DPF1: variants seen among roughly 807,000 people sequenced by gnomAD.
The protein encoded by DPF1 is double PHD fingers 1.
Under a neutral mutation model 58.7 loss-of-function variants are expected in DPF1, and 14 were observed. That is an observed-to-expected ratio of 0.24 (90% CI 0.16 to 0.37). DPF1 has a LOEUF of 0.37. DPF1 is among the 10% of genes least tolerant of loss of function. The probability of loss-of-function intolerance (pLI) is 1.00; values close to 1 mark genes in which losing one functional copy is unlikely to be tolerated. For synonymous variants in DPF1, 216 were observed against 216.0 expected, an observed-to-expected ratio of 1.00 and a Z score of 0.00; for missense variants, 345 against 529.9, an observed-to-expected ratio of 0.65 and a Z score of 3.43.
Position 38,211,762 on chromosome 19 carries a change from G to A in DPF1, c.*301C>T. The A allele has an allele frequency of 4.4e-6, 2 of 456,346 alleles. No individual in the cohort carries two copies. The highest frequency in any genetic ancestry group is 7.4e-5 in the South Asian group (2 of 27,162). 28.3% of individuals were successfully genotyped at this position (456,346 alleles called of 1,614,324 possible). A position where few individuals can be genotyped will look rare whatever the true frequency, so the allele number is the denominator to read the frequency against. On this transcript the variant is annotated 3_prime_UTR_variant, in exon 12 of 12. Transcript: ENST00000355526. The surrounding 1 kb of genome is among the most constrained non-coding windows in gnomAD (Gnocchi z 4.0). Reference sequence around the variant, plus strand: ...AGAAAAAGGCTCTGTCCATGCCCCTGGCTGGCACCCACCACCCCCCATGCC... The same window carrying A: ...AGAAAAAGGCTCTGTCCATGCCCCTAGCTGGCACCCACCACCCCCCATGCC...
chr19:38,214,831 CTTTTTT>C (rs36047300), intron 9 of DPF1, among the ~76,000 whole-genome samples: 7 of 89,406 alleles, frequency 7.8e-5, no homozygotes, highest in African/African-American at 3.3e-4. Context: ...TATGCCCAGC[CTTTTTT>C]TTTTTTTTTT....
At chr19:38,220,608 T>C (rs1414498280) in intron 3 of DPF1, among the ~76,000 whole-genome samples, 1 of 132,328 alleles carries the variant, frequency 7.6e-6, no homozygotes, top group African/African-American at 2.8e-5. Context: ...AGAGCAAGAC[T>C]CCGTCTCAAA....
Position 38,216,411 on chromosome 19 carries a change from A to G in DPF1, c.728-8T>C. The G allele has an allele frequency of 6.3e-7, 1 of 1,577,560 alleles. No homozygotes were observed. Among genetic ancestry groups the G allele is most frequent in the Non-Finnish European group, 8.6e-7 (1 of 1,161,730 alleles). The stretch of plus-strand genomic sequence containing the variant: ...CCAATTCTTTGTAAAACTCTGGGGT[A>G]GGGGGGACAGAGAGAGGGACTCTCA... On this transcript the variant is annotated splice_polypyrimidine_tract_variant and splice_region_variant and intron_variant, in intron 7 of 11. Transcript: ENST00000355526.
At chr19:38,224,330 C>T (rs1250847689), upstream of DPF1, 3 of 1,239,396 alleles carry the variant, frequency 2.4e-6, no homozygotes. The surrounding 1 kb of genome is among the most constrained non-coding windows in gnomAD (Gnocchi z 4.5). Flanking sequence ...CAGGGGGCCC[C>T]CGGGACCCCG....
At chr19:38,226,190 C>T (rs771310197), upstream of DPF1, among the ~76,000 whole-genome samples, 3 of 151,618 alleles carry the variant, frequency 2.0e-5, no homozygotes, top group African/African-American at 4.9e-5. Flanking sequence ...AGTGAGCAGA[C>T]CCACTGAGTC....
At chr19:38,213,547 A>G in intron 10 of DPF1, 97 bp downstream of exon 10, 1 of 1,032,710 alleles carries the variant, frequency 9.7e-7, no homozygotes, top group Non-Finnish European at 1.5e-6. Flanking sequence ...GGTGTTCACC[A>G]GGGAAGGCTC....
At chr19:38,212,405 C>A in intron 10 of DPF1, 44 bp from the exon 11 acceptor site, 2 of 828,470 alleles carry the variant, frequency 2.4e-6, no homozygotes, top group Admixed American at 3.2e-5. Context: ...GGGGCACGGG[C>A]ACCAGAAACG....
At chr19:38,216,535 C>G (rs1173098237) in intron 7 of DPF1, 132 bp from the exon 8 acceptor site, 38 of 1,098,778 alleles carry the variant, frequency 3.5e-5, no homozygotes, top group Non-Finnish European at 4.6e-5. Context: ...CTACCCCAAG[C>G]TGTGGGGAGA....
In DPF1 at chr19:38,222,603, G is replaced by A; in HGVS notation, c.135C>T (p.Thr45=). The part of the protein sequence containing the change: ...SLRLPFLDSQ[T]GVAQNNCYIW... ...TGTAGCAGTTGTTCTGGGCCACGCC[G>A]GTCTGCGAGTCGAGGAAGGGCAGTC... The change falls in exon 2 of 12, where the codon ACC becomes ACT. Residue 45 remains threonine (T), a synonymous_variant. Coordinates refer to ENST00000355526, the MANE Select transcript of DPF1 (RefSeq NM_001135155.3). This position sits in a 1 kb window ranked among gnomAD's most constrained non-coding sequence, Gnocchi z 4.9. 1 of 1,611,968 alleles carries A rather than the reference G, an allele frequency of 6.2e-7. No homozygotes were observed. The highest frequency in any genetic ancestry group is 1.1e-5 in the South Asian group (1 of 90,916).
Position 38,216,346 on chromosome 19 carries a change from T to A in DPF1, c.778+7A>T. On this transcript the variant is annotated splice_region_variant and intron_variant, in intron 8 of 11. Transcript: ENST00000355526. ...CAGACTTTAGGAGCAGAAGGAGGCATCCGTACCTGTGTGTTTCCTTTGTGC... is the reference window on the plus strand; with the variant it reads ...CAGACTTTAGGAGCAGAAGGAGGCAACCGTACCTGTGTGTTTCCTTTGTGC... 6.2e-7 allele frequency: 1 copy of A among 1,604,312 alleles called. No individual in the cohort carries two copies. Among genetic ancestry groups the A allele is most frequent in the Non-Finnish European group, 8.5e-7 (1 of 1,174,284 alleles).
upstream of DPF1, among the ~76,000 whole-genome samples, chr19:38,226,111 A>T (rs1048212522): frequency 5.5e-4 from 84 of 151,924 alleles, no homozygotes; most frequent in Admixed American, 4.0e-3. Context: ...GGCCCTCCCC[A>T]AGTAGTCCTG....
upstream of DPF1, among the ~76,000 whole-genome samples, chr19:38,225,889 CAAAA>C (rs35172798): frequency 2.3e-5 from 3 of 128,506 alleles, no homozygotes; most frequent in Non-Finnish European, 3.3e-5. Flanking sequence ...ACCCTGTCTC[CAAAA>C]AAAAAAAAAA....
chr19:38,223,962 CCA>C, intron 1 of DPF1, 150 bp downstream of exon 1: 1 of 1,051,822 alleles, frequency 9.5e-7, no homozygotes, highest in Non-Finnish European at 1.2e-6. Flanking sequence ...TGTCAGAGAC[CCA>C]CAGTCACACA....
intron 9 of DPF1, among the ~76,000 whole-genome samples, chr19:38,214,533 A>G (rs1471434014): frequency 4.6e-5 from 7 of 152,234 alleles, no homozygotes; most frequent in Admixed American, 2.0e-4. Context: ...CACCATGGGA[A>G]ACCACATTCT....
upstream of DPF1, chr19:38,224,269 C>G: frequency 7.9e-7 from 1 of 1,259,440 alleles, no homozygotes; most frequent in Non-Finnish European, 1.0e-6. This position sits in a 1 kb window ranked among gnomAD's most constrained non-coding sequence, Gnocchi z 4.5. Flanking sequence ...CGGCCAATCG[C>G]GGCGACGGGG....
Position 38,212,091 on chromosome 19 carries a change from T to G in DPF1, c.1136A>C (p.Lys379Thr). The change falls in exon 12 of 12, where the codon AAG becomes ACG. Residue 379 changes from lysine (K) to threonine (T), a missense_variant. Coordinates refer to ENST00000355526, the MANE Select transcript of DPF1 (RefSeq NM_001135155.3). ...CHLCLRHLKE[K>T]ASAYITLT is the part of the protein sequence containing the mutation. ...GGTGAGGGTGATGTAAGCAGAAGCC[T>G]TTTCCTTCAGGTGCCGGAGACAGAG... The G allele has an allele frequency of 6.2e-7, 1 of 1,612,218 alleles. No individual in the cohort carries two copies.
upstream of DPF1, among the ~76,000 whole-genome samples, chr19:38,226,422 G>A (rs1165440834): frequency 6.7e-6 from 1 of 150,268 alleles, no homozygotes; most frequent in Admixed American, 6.6e-5. Context: ...GAAGTGGCCC[G>A]CTAGCCTTCA....
upstream of DPF1, among the ~76,000 whole-genome samples, chr19:38,225,544 G>C (rs1386144856): frequency 6.6e-6 from 1 of 151,988 alleles, no homozygotes; most frequent in Non-Finnish European, 1.5e-5. Flanking sequence ...ACTCCAGCCT[G>C]GGTGGCAGAG....
intron 7 of DPF1, among the ~76,000 whole-genome samples, chr19:38,216,702 G>A (rs1967047639): frequency 6.6e-6 from 1 of 152,162 alleles, no homozygotes; most frequent in Admixed American, 6.5e-5. Flanking sequence ...AAAGTGGCGG[G>A]ATTATAAGCG....
Sources: allele counts gnomAD v4.1 joint callset (sites outside exome capture counted in the v4.1 genomes callset), GRCh38; gene constraint gnomAD v4.1.1; non-coding constraint Gnocchi (gnomAD v3.1); transcripts MANE v1.5; gene names NCBI Gene and HGNC (gene_info 2026-07-23, HGNC 2026-07-21).